YTHDC2: variants seen among roughly 807,000 people sequenced by gnomAD.
YTHDC2 encodes the protein YTH N6-methyladenosine RNA binding protein C2, also known as 3'-5' RNA helicase YTHDC2.
A neutral mutation model predicts 174.9 loss-of-function variants in YTHDC2; 45 were observed. The observed-to-expected ratio is 0.26, with a 90% CI of 0.20 to 0.33. The LOEUF is 0.33. Ranked by LOEUF, YTHDC2 falls within the 10% of genes least tolerant of loss-of-function variation. YTHDC2 has a pLI of 1.00. For synonymous variants in YTHDC2, 657 were observed against 574.5 expected (o/e 1.14, Z -2.05); for missense variants, 1,650 against 1,723.7 (o/e 0.96, Z 0.76).
intron 7 of YTHDC2, 24 bp downstream of exon 7, chr5:113,535,822 T>C: frequency 6.5e-7 from 1 of 1,533,538 alleles, no homozygotes. Flanking sequence ...TCAGATTTCT[T>C]CTATAATTTT....
chr5:113,521,456 C>T lies in YTHDC2; in HGVS notation c.279-3525C>T, dbSNP rs115706609. ...ATTAAGACCAGAAAAATAGGCTGGG[C>T]GCAGTGGCTCATGCTGGTAATCCCA... is the stretch of plus-strand genomic sequence containing the variant. On this transcript the variant is annotated intron_variant, in intron 2 of 29. Coordinates refer to ENST00000161863, the MANE Select transcript of YTHDC2 (RefSeq NM_022828.5). Among the ~76,000 whole-genome samples the T allele has an allele frequency of 6.7e-3, 1,020 of 152,134 alleles. 7 individuals carry two copies. Among genetic ancestry groups the T allele is most frequent in the African/African-American group, 0.023 (948 of 41,490 alleles).
intron 6 of YTHDC2, among the ~76,000 whole-genome samples, chr5:113,534,754 G>C (rs1358986855): frequency 6.6e-6 from 1 of 151,930 alleles, no homozygotes; most frequent in African/African-American, 2.4e-5. Context: ...CTCTATACTT[G>C]GTTGTTTGAT....
At chr5:113,520,943 CTGT>C (rs554958037) in intron 2 of YTHDC2, among the ~76,000 whole-genome samples, 224 of 152,254 alleles carry the variant, frequency 1.5e-3, no homozygotes, top group African/African-American at 5.2e-3. Context: ...ACCCCAGTGC[CTGT>C]TGTTCACCTC....
chr5:113,559,371 A>G (rs1776815180), intron 17 of YTHDC2, among the ~76,000 whole-genome samples: 1 of 152,216 alleles, frequency 6.6e-6, no homozygotes, highest in African/African-American at 2.4e-5. Flanking sequence ...AAAAGCCCCT[A>G]CCAGAGCAAC....
chr5:113,543,162 C>T (rs948551607), intron 10 of YTHDC2, among the ~76,000 whole-genome samples: 2 of 152,052 alleles, frequency 1.3e-5, no homozygotes, highest in Non-Finnish European at 2.9e-5. Flanking sequence ...CCTCATCTAC[C>T]CCCAGATTTA....
intron 4 of YTHDC2, among the ~76,000 whole-genome samples, chr5:113,529,528 C>G (rs10036300): frequency 0.34 from 51,192 of 151,998 alleles, 11,128 homozygotes; most frequent in African/African-American, 0.61. Context: ...TCTTGTTTCT[C>G]TAAAGCTTGG....
chr5:113,563,716 A>T (rs554724817), intron 19 of YTHDC2, 143 bp from the exon 20 acceptor site: 183 of 1,024,488 alleles, frequency 1.8e-4, no homozygotes, highest in Admixed American at 1.2e-3. Context: ...TTTATATAGT[A>T]TAATAGAAAC....
At chr5:113,592,233 A>G in intron 28 of YTHDC2, 55 bp downstream of exon 28, 2 of 1,478,656 alleles carry the variant, frequency 1.4e-6, no homozygotes, top group Non-Finnish European at 1.8e-6. Context: ...GTTTTCTGTT[A>G]TCCAGTGCTT....
intron 16 of YTHDC2, among the ~76,000 whole-genome samples, chr5:113,555,173 G>C (rs1776516692): frequency 6.6e-6 from 1 of 151,904 alleles, no homozygotes; most frequent in South Asian, 2.1e-4. Flanking sequence ...AGTGGGTTTT[G>C]AATATTTTAG....
At position 113,530,530 on chromosome 5, in the gene YTHDC2, C is replaced by T. The variant is rs115678902; in HGVS notation, c.676-2349C>T. On this transcript the variant is annotated intron_variant, in intron 4 of 29. Coordinates refer to ENST00000161863, the MANE Select transcript of YTHDC2 (RefSeq NM_022828.5). ...ACCACCTTACAGGTAGTGCGAGTAC[C>T]TTAAATAACAAAATAACCCTAATTC... Among the ~76,000 whole-genome samples, 879 of 152,176 alleles carry T rather than the reference C, an allele frequency of 5.8e-3. 3 individuals are homozygous for T. Among genetic ancestry groups the T allele is most frequent in the African/African-American group, 0.02 (824 of 41,516 alleles).
chr5:113,577,027 C>G (rs890224232), intron 23 of YTHDC2, among the ~76,000 whole-genome samples: 3 of 152,198 alleles, frequency 2.0e-5, no homozygotes, highest in Admixed American at 6.5e-5. Context: ...AAACAAAGAT[C>G]TAAGTTTTTC....
At chr5:113,570,052 T>A (rs974084534) in intron 23 of YTHDC2, among the ~76,000 whole-genome samples, 1 of 152,124 alleles carries the variant, frequency 6.6e-6, no homozygotes, top group Admixed American at 6.6e-5. Flanking sequence ...GTCCTTCACT[T>A]CCCTTATTAG....
In YTHDC2 at chr5:113,541,119, A is replaced by G. The variant is rs745611807; in HGVS notation, c.1359+3A>G. On this transcript the variant is annotated splice_donor_region_variant and intron_variant, in intron 9 of 29. Transcript: ENST00000161863. ...GTGATGCTGTCTTCAGTCAGCTGGT[A>G]TGACCTCCCTGGTTTCCCACTCATA... 6.2e-7 allele frequency: 1 copy of G among 1,613,704 alleles called. No homozygotes were observed. The highest frequency in any genetic ancestry group is 1.3e-5 in the African/African-American group (1 of 74,856).
rs780529464 is a variant in YTHDC2, at chr5:113,526,727, T to C, written c.617T>C (p.Ile206Thr). The C allele has an allele frequency of 6.3e-7, 1 of 1,575,206 alleles. No homozygotes were observed. Among genetic ancestry groups the C allele is most frequent in the South Asian group, 1.2e-5 (1 of 85,612 alleles). The stretch of plus-strand genomic sequence containing the variant: ...AAACAGGAAGAAATTGTTAAAATAA[T>C]TAAGGAAAATAAAGTAGTTTTGATT... ...FEKQEEIVKI[I>T]KENKVVLIVG... The change falls in exon 4 of 30, where the codon ATT becomes ACT. Residue 206 changes from isoleucine to threonine, a missense_variant. Ile to Thr is a moderately conservative substitution (Grantham distance 89, BLOSUM62 -1). Coordinates refer to ENST00000161863, the MANE Select transcript of YTHDC2 (RefSeq NM_022828.5).
In YTHDC2 at chr5:113,529,034, C is replaced by T. The variant is rs1295411545; in HGVS notation, c.675+2249C>T. Among the ~76,000 whole-genome samples the T allele has an allele frequency of 7.3e-5, 11 of 151,432 alleles. 1 individual carries two copies. The highest frequency in any genetic ancestry group is 7.2e-4 in the Admixed American group (11 of 15,226). ...TAATTTTGCATCTTGATTTTTTTTT[C>T]ACTTAACAGATTTGGATATTTTTCC... On this transcript the variant is annotated intron_variant, in intron 4 of 29. Coordinates refer to ENST00000161863, the MANE Select transcript of YTHDC2 (RefSeq NM_022828.5).
At position 113,575,939 on chromosome 5, in the gene YTHDC2, A is replaced by C. The variant is rs189951975; in HGVS notation, c.3245-3647A>C. On this transcript the variant is annotated intron_variant, in intron 23 of 29. Transcript: ENST00000161863. ...GAAGGTACTAGTAACTGCTAGATTG[A>C]ATGTGGGTAGTAAGGGAAAGGGAGG... is the stretch of plus-strand genomic sequence containing the variant. 3.0e-3 allele frequency among the ~76,000 whole-genome samples: 453 copies of C among 150,416 alleles called. 3 individuals carry two copies. Among genetic ancestry groups the C allele is most frequent in the African/African-American group, 0.011 (441 of 41,274 alleles).
At chr5:113,555,836 G>A (rs1218220993) in intron 16 of YTHDC2, among the ~76,000 whole-genome samples, 3 of 152,204 alleles carry the variant, frequency 2.0e-5, no homozygotes, top group South Asian at 2.1e-4. Context: ...GAAGTTTTAC[G>A]CTCTTCTGAG....
chr5:113,527,155 G>A (rs569805846), intron 4 of YTHDC2, among the ~76,000 whole-genome samples: 12 of 152,070 alleles, frequency 7.9e-5, no homozygotes, highest in Non-Finnish European at 1.2e-4. Context: ...TAACCTCTGT[G>A]AGCCAGAGTT....
chr5:113,518,530 C>A (rs2112521127), intron 2 of YTHDC2, among the ~76,000 whole-genome samples: 1 of 150,520 alleles, frequency 6.6e-6, no homozygotes, highest in African/African-American at 2.4e-5. Context: ...CTATCGTTAA[C>A]TTTATTGATT....
Sources: gnomAD v4.1 joint callset for allele counts (sites outside exome capture counted in the v4.1 genomes callset) on GRCh38, gnomAD v4.1.1 for gene constraint, MANE v1.5 for transcripts, NCBI Gene and HGNC (gene_info 2026-07-23, HGNC 2026-07-21) for gene names.